Variants in ASTL observed in about 807,000 individuals in gnomAD.
ASTL encodes the protein astacin like metalloendopeptidase.
A neutral mutation model predicts 36.7 loss-of-function variants in ASTL; 27 were observed. The observed-to-expected ratio is 0.73, with a 90% CI of 0.54 to 1.01. ASTL has a LOEUF of 1.01. Among genes scored for constraint, ASTL ranks in the 50% least tolerant of loss-of-function variants. ASTL has a pLI of 0.00. For synonymous variants in ASTL, 222 were observed against 228.1 expected (o/e 0.97, Z 0.24); for missense variants, 524 against 572.8 (o/e 0.91, Z 0.87).
intron 8 of ASTL, among the ~76,000 whole-genome samples, chr2:96,126,672 A>G (rs965824863): frequency 6.6e-6 from 1 of 152,176 alleles, no homozygotes; most frequent in Non-Finnish European, 1.5e-5. Flanking sequence ...CCTGACCAAC[A>G]TGGTGAAACC....
chr2:96,129,978 C>T lies in ASTL; in HGVS notation c.720G>A (p.Arg240=), dbSNP rs534069155. 29 of 1,605,162 alleles carry T rather than the reference C, an allele frequency of 1.8e-5. No individual in the cohort carries two copies. In the South Asian group the frequency reaches 3.2e-4, roughly 18 times the overall value. Residue 240 remains arginine, a splice_region_variant and synonymous_variant, in exon 8 of 9, where the codon AGG becomes AGA. Coordinates refer to ENST00000342380, the MANE Select transcript of ASTL (RefSeq NM_001002036.4). The stretch of plus-strand genomic sequence containing the variant: ...GCAGCCCACGCCGGCTGAAGGCGAG[C>T]CTGGAACCCAGCGGGAGACCCCTGA... ...YDYSSVMHYG[R]LAFSRRGLPT... is the part of the protein sequence containing the mutation.
intron 8 of ASTL, among the ~76,000 whole-genome samples, chr2:96,126,316 AAG>A: frequency 6.6e-6 from 1 of 152,370 alleles, no homozygotes; most frequent in East Asian, 1.9e-4. Context: ...TACAACTCAG[AAG>A]AGAGAACCCA....
rs969838633 is a variant in ASTL, at chr2:96,129,834, G to A, written c.864C>T (p.Pro288=). 5.8e-6 allele frequency: 9 copies of A among 1,555,256 alleles called. No homozygotes were observed. Among genetic ancestry groups the A allele is most frequent in the Middle Eastern group, 2.2e-4 (1 of 4,472 alleles). ...LYGCSPSGPR[P]RGRGSHAHST... ...TGCCATGCCACTCACCTCTCCCACG[G>A]GGCCTGGGGCCACTTGGGCTGCAGC... Residue 288 remains proline, a synonymous_variant, in exon 8 of 9, where the codon CCC becomes CCT. Coordinates refer to ENST00000342380, the MANE Select transcript of ASTL (RefSeq NM_001002036.4).
At chr2:96,130,695 A>G (rs1000557890) in intron 6 of ASTL, among the ~76,000 whole-genome samples, 4 of 151,666 alleles carry the variant, frequency 2.6e-5, no homozygotes, top group African/African-American at 7.3e-5. Flanking sequence ...TGCTCCCCCA[A>G]TCCTCCCAAA....
At chr2:96,126,629 G>A (rs546675335) in intron 8 of ASTL, among the ~76,000 whole-genome samples, 6 of 152,122 alleles carry the variant, frequency 3.9e-5, no homozygotes, top group Admixed American at 1.3e-4. Flanking sequence ...AGGCCGAGAC[G>A]GGTAGATCAC....
rs1043802544 is a variant in ASTL, at chr2:96,123,140, G to C, written c.*710C>G. 6.6e-6 allele frequency among the ~76,000 whole-genome samples: 1 copy of C among 152,262 alleles called. No individual in the cohort carries two copies. The highest frequency in any genetic ancestry group is 6.5e-5 in the Admixed American group (1 of 15,292). ...AACCCCAGCCCTTTCTCCTTCCAAG[G>C]CTGCGCCTGGCTGAGCTCCAGGGAA... is the stretch of plus-strand genomic sequence containing the variant. On this transcript the variant is annotated 3_prime_UTR_variant, in exon 9 of 9. Coordinates refer to ENST00000342380, the MANE Select transcript of ASTL (RefSeq NM_001002036.4).
rs780360443 is a variant in ASTL, at chr2:96,132,583, G to T, written c.594C>A (p.Asp198Glu). 1 of 1,611,740 alleles carries T rather than the reference G, an allele frequency of 6.2e-7. No individual in the cohort carries two copies. Among genetic ancestry groups the T allele is most frequent in the South Asian group, 1.1e-5 (1 of 91,024 alleles). Residue 198 changes from aspartate to glutamate, a missense_variant, in exon 6 of 9, where the codon GAC (aspartate) becomes GAA (glutamate). By Grantham distance (45) the Asp-to-Glu change is conservative (BLOSUM62 2). Transcript: ENST00000342380. This position sits in a 1 kb window ranked among gnomAD's most constrained non-coding sequence, Gnocchi z 5.4. Reference sequence around the variant, plus strand: ...AGTTGACACGGATATAGCGGTCCCGGTCGGCCCGCGTGTGCTCGTGCCAGA... The same window carrying T: ...AGTTGACACGGATATAGCGGTCCCGTTCGGCCCGCGTGTGCTCGTGCCAGA... ...LGFWHEHTRA[D>E]RDRYIRVNWN...
chr2:96,133,640 T>C (rs1038073333), intron 4 of ASTL, 98 bp from the exon 5 acceptor site: 48 of 894,112 alleles, frequency 5.4e-5, no homozygotes, highest in Non-Finnish European at 6.1e-5. Context: ...TCTCCCAAAA[T>C]AGCATCAAGA....
At chr2:96,133,339 A>C in intron 5 of ASTL, 86 bp downstream of exon 5, 1 of 983,708 alleles carries the variant, frequency 1.0e-6, no homozygotes, top group South Asian at 1.3e-5. Flanking sequence ...GGATGGGCCC[A>C]GGAATACATT....
chr2:96,134,103 C>G lies in ASTL; in HGVS notation c.244-45G>C, dbSNP rs762252298. The stretch of plus-strand genomic sequence containing the variant: ...TCAACCCCTGGGGACAGAGGCCACC[C>G]AAGCTTTGTGCCCCAAGGGTACCAC... On this transcript the variant is annotated intron_variant, in intron 3 of 8. Coordinates refer to ENST00000342380, the MANE Select transcript of ASTL (RefSeq NM_001002036.4). The G allele has an allele frequency of 2.1e-5, 29 of 1,385,254 alleles. No individual in the cohort carries two copies. In the Admixed American group the frequency reaches 2.7e-4, roughly 13 times the overall value. 85.8% of individuals were successfully genotyped at this position (1,385,254 alleles called of 1,614,324 possible). A position where few individuals can be genotyped will look rare whatever the true frequency, so the allele number is the denominator to read the frequency against.
rs1225587899 is a variant in ASTL, at chr2:96,122,875, C to T, written c.*975G>A. Among the ~76,000 whole-genome samples the T allele has an allele frequency of 6.6e-6, 1 of 152,224 alleles. No homozygotes were observed. The highest frequency in any genetic ancestry group is 2.4e-5 in the African/African-American group (1 of 41,466). ...CCAACATGTGGGGCTCCTGCCCCTT[C>T]TACCCCAAGCAGGGCTTCCTTGACC... is the stretch of plus-strand genomic sequence containing the variant. On this transcript the variant is annotated 3_prime_UTR_variant, in exon 9 of 9. Coordinates refer to ENST00000342380, the MANE Select transcript of ASTL (RefSeq NM_001002036.4).
In ASTL at chr2:96,122,857, G is replaced by A. The variant is rs1302114246; in HGVS notation, c.*993C>T. Among the ~76,000 whole-genome samples, 3 of 152,230 alleles carry A rather than the reference G, an allele frequency of 2.0e-5. No homozygotes were observed. Among genetic ancestry groups the A allele is most frequent in the Admixed American group, 1.3e-4 (2 of 15,288 alleles). On this transcript the variant is annotated 3_prime_UTR_variant, in exon 9 of 9. Coordinates refer to ENST00000342380, the MANE Select transcript of ASTL (RefSeq NM_001002036.4). Reference sequence around the variant, plus strand: ...TCCACTTTATTTCCTCCCCCAACATGTGGGGCTCCTGCCCCTTCTACCCCA... The same window carrying A: ...TCCACTTTATTTCCTCCCCCAACATATGGGGCTCCTGCCCCTTCTACCCCA...
At chr2:96,129,366 C>T (rs1300150596) in intron 8 of ASTL, among the ~76,000 whole-genome samples, 1 of 152,034 alleles carries the variant, frequency 6.6e-6, no homozygotes, top group Non-Finnish European at 1.5e-5. Flanking sequence ...CTTATTAGTT[C>T]TAATAACTTG....
rs1682210135 is a variant in ASTL, at chr2:96,132,755, C to T, written c.456-34G>A. 5.1e-6 allele frequency: 8 copies of T among 1,581,050 alleles called. No homozygotes were observed. The highest frequency in any genetic ancestry group is 6.9e-6 in the Non-Finnish European group (8 of 1,156,324). On this transcript the variant is annotated intron_variant, in intron 5 of 8. Coordinates refer to ENST00000342380, the MANE Select transcript of ASTL (RefSeq NM_001002036.4). The surrounding 1 kb of genome is among the most constrained non-coding windows in gnomAD (Gnocchi z 5.4). ...TGATGAGAGCAAGTGGGGTAAGTGC[C>T]AGCCCAGATCCCTCCGGACATACAG...
At chr2:96,125,285 C>T (rs536525203) in intron 8 of ASTL, among the ~76,000 whole-genome samples, 14 of 152,298 alleles carry the variant, frequency 9.2e-5, no homozygotes, top group African/African-American at 2.9e-4. Context: ...CTCCAGTCAG[C>T]GGAGGCACAT....
At chr2:96,134,730 G>A (rs954542977) in intron 3 of ASTL, among the ~76,000 whole-genome samples, 18 of 152,348 alleles carry the variant, frequency 1.2e-4, no homozygotes, top group East Asian at 1.2e-3. Context: ...AGGCTGTGCC[G>A]TCAGTGGCAG....
intron 2 of ASTL, among the ~76,000 whole-genome samples, chr2:96,135,967 C>T (rs1200089614): frequency 1.3e-5 from 2 of 152,198 alleles, no homozygotes; most frequent in South Asian, 2.1e-4. Flanking sequence ...CTATTCCCCA[C>T]CCATCTGTTA....
intron 8 of ASTL, 41 bp downstream of exon 8, chr2:96,129,783 C>A (rs1480898503): frequency 6.6e-7 from 1 of 1,506,350 alleles, no homozygotes; most frequent in Admixed American, 2.2e-5. Flanking sequence ...AGCACAGGCG[C>A]CTTCTCCAGG....
intron 3 of ASTL, 24 bp downstream of exon 3, chr2:96,135,327 A>G: frequency 6.2e-7 from 1 of 1,611,164 alleles, no homozygotes; most frequent in Non-Finnish European, 8.5e-7. Context: ...ATCCGCACCC[A>G]CACACGTCAG....
Sources: allele counts gnomAD v4.1 joint callset (sites outside exome capture counted in the v4.1 genomes callset), GRCh38; gene constraint gnomAD v4.1.1; non-coding constraint Gnocchi (gnomAD v3.1); transcripts MANE v1.5; gene names NCBI Gene and HGNC (gene_info 2026-07-23, HGNC 2026-07-21).